The following AFG1L variants were observed in gnomAD, a reference collection of about 807,000 sequenced individuals.
AFG1L encodes AFG1 like ATPase, also known as AFG1-like ATPase.
A neutral mutation model predicts 62.2 loss-of-function variants in AFG1L; 53 were observed. The ratio of observed to expected loss-of-function variants is 0.85; its 90% CI spans 0.68 to 1.07. The LOEUF (loss-of-function observed/expected upper bound fraction) is 1.07. Ranked by LOEUF, AFG1L falls within the 50% of genes least tolerant of loss-of-function variation. The pLI, the probability that AFG1L is intolerant of heterozygous loss-of-function variation, is 0.00. For missense variants in AFG1L, 555 were observed against 590.5 expected (o/e 0.94, Z 0.62); for synonymous variants, 228 against 210.3 (o/e 1.08, Z -0.73).
intron 1 of AFG1L, among the ~76,000 whole-genome samples, chr6:108,315,118 A>G (rs1333378044): frequency 6.6e-6 from 1 of 152,046 alleles, no homozygotes; most frequent in Non-Finnish European, 1.5e-5. Context: ...GCCTCAAGTG[A>G]TCTGCTGGCC....
chr6:108,429,449 C>G (rs55986244), intron 7 of AFG1L, among the ~76,000 whole-genome samples: 7,197 of 152,220 alleles, frequency 0.047, 263 homozygotes, highest in South Asian at 0.18. Flanking sequence ...GGGAAAGACC[C>G]ATCCCCATGA....
chr6:108,444,262 A>C (rs1211619281), intron 7 of AFG1L, among the ~76,000 whole-genome samples: 2 of 152,174 alleles, frequency 1.3e-5, no homozygotes, highest in African/African-American at 4.8e-5. Context: ...GTGCAATGGT[A>C]TTATGTCTAA....
At chr6:108,411,709 GAAA>G (rs1409398711) in intron 7 of AFG1L, among the ~76,000 whole-genome samples, 4 of 152,180 alleles carry the variant, frequency 2.6e-5, no homozygotes, top group Non-Finnish European at 5.9e-5. Context: ...CTGTTAGAAG[GAAA>G]ACTAACAAAC....
chr6:108,427,206 G>A (rs955015594), intron 7 of AFG1L, among the ~76,000 whole-genome samples: 2 of 151,962 alleles, frequency 1.3e-5, no homozygotes, highest in Admixed American at 1.3e-4. Context: ...GGGCTCAAGT[G>A]ATCCTTCTGC....
At chr6:108,477,404 G>A (rs916965896) in intron 10 of AFG1L, 112 bp downstream of exon 10, 11 of 562,288 alleles carry the variant, frequency 2.0e-5, no homozygotes, top group African/African-American at 3.8e-5. Context: ...AGTCAGAATC[G>A]ATTTAAAAGT....
chr6:108,510,329 A>G lies in AFG1L; in HGVS notation c.1180A>G (p.Ile394Val), dbSNP rs1217600027. 2 of 1,605,190 alleles carry G rather than the reference A, an allele frequency of 1.2e-6. No individual in the cohort carries two copies. Among genetic ancestry groups the G allele is most frequent in the Admixed American group, 1.7e-5 (1 of 59,240 alleles). Residue 394 changes from isoleucine (I) to valine (V), a missense_variant, in exon 11 of 13, where the codon ATC becomes GTC. Physicochemically the swap from Ile to Val is conservative, Grantham distance 29 (BLOSUM62 3). Coordinates refer to ENST00000368977, the MANE Select transcript of AFG1L (RefSeq NM_145315.5). The part of the protein sequence containing the change: ...RTQGRRFITL[I>V]DNFYDLKVRI... ...TCAAGGTCGAAGATTCATAACTCTCATCGATAACTTTTATGATCTCAAGGT... is the reference window on the plus strand; with the variant it reads ...TCAAGGTCGAAGATTCATAACTCTCGTCGATAACTTTTATGATCTCAAGGT...
intron 10 of AFG1L, 64 bp from the exon 11 acceptor site, chr6:108,510,148 A>C: frequency 1.5e-6 from 2 of 1,302,928 alleles, no homozygotes; most frequent in Non-Finnish European, 2.1e-6. Context: ...TTTACACTAA[A>C]CCACTCCAAA....
chr6:108,299,345 G>A (rs1428781975), intron 1 of AFG1L, among the ~76,000 whole-genome samples: 1 of 151,794 alleles, frequency 6.6e-6, no homozygotes, highest in East Asian at 1.9e-4. Context: ...GGTAAATTTA[G>A]GTTTCCTATT....
chr6:108,351,859 C>T (rs1009317353), intron 3 of AFG1L, among the ~76,000 whole-genome samples: 2 of 151,956 alleles, frequency 1.3e-5, no homozygotes, highest in African/African-American at 4.8e-5. Flanking sequence ...GACATCCTTG[C>T]CTTTGTCAAA....
chr6:108,444,057 CATCT>C (rs60098143), intron 7 of AFG1L, among the ~76,000 whole-genome samples: 31,810 of 145,036 alleles, frequency 0.22, 3,612 homozygotes, highest in Admixed American at 0.27. Context: ...GAATATCTCC[CATCT>C]ATCTATCTAT....
chr6:108,345,368 T>TTGATTGAG (rs1294933757), intron 2 of AFG1L, among the ~76,000 whole-genome samples: 1 of 152,116 alleles, frequency 6.6e-6, no homozygotes, highest in African/African-American at 2.4e-5. Context: ...TATTGATTGA[T>TTGATTGAG]TGATTGAGTG....
intron 3 of AFG1L, among the ~76,000 whole-genome samples, chr6:108,351,213 T>C (rs1779068807): frequency 6.6e-6 from 1 of 152,218 alleles, no homozygotes; most frequent in Non-Finnish European, 1.5e-5. Flanking sequence ...TTATCAGTGC[T>C]GTGTACTTGG....
chr6:108,499,288 C>G (rs551021324), intron 10 of AFG1L, among the ~76,000 whole-genome samples: 7 of 151,642 alleles, frequency 4.6e-5, no homozygotes, highest in Non-Finnish European at 8.8e-5. Flanking sequence ...AGGCTGGTCT[C>G]AAACTCCTGA....
chr6:108,316,896 A>G (rs1441234983), intron 1 of AFG1L, among the ~76,000 whole-genome samples: 1 of 152,102 alleles, frequency 6.6e-6, no homozygotes, highest in Non-Finnish European at 1.5e-5. Context: ...AACATCCATC[A>G]CCTCAACTCC....
At chr6:108,354,647 C>T (rs1040668537) in intron 3 of AFG1L, among the ~76,000 whole-genome samples, 6 of 151,942 alleles carry the variant, frequency 3.9e-5, no homozygotes, top group South Asian at 2.1e-4. Context: ...AAGTGACCAA[C>T]GAGAGGGCAG....
At chr6:108,405,454 C>T (rs1404732241) in intron 7 of AFG1L, among the ~76,000 whole-genome samples, 1 of 152,078 alleles carries the variant, frequency 6.6e-6, no homozygotes, top group Non-Finnish European at 1.5e-5. Flanking sequence ...TCAGGTGATC[C>T]TCCTGCCCCA....
intron 11 of AFG1L, among the ~76,000 whole-genome samples, chr6:108,518,502 G>A (rs1039342537): frequency 1.5e-5 from 2 of 136,008 alleles, no homozygotes; most frequent in African/African-American, 5.4e-5. Context: ...GCTTGTTGTG[G>A]GGTGGGGGGA....
chr6:108,453,374 T>A (rs1772132457), intron 8 of AFG1L, among the ~76,000 whole-genome samples: 1 of 152,204 alleles, frequency 6.6e-6, no homozygotes, highest in African/African-American at 2.4e-5. Flanking sequence ...CTAGTGGAAG[T>A]TTTATGTCTC....
At chr6:108,329,731 A>G (rs1164835431) in intron 2 of AFG1L, among the ~76,000 whole-genome samples, 1 of 152,186 alleles carries the variant, frequency 6.6e-6, no homozygotes, top group Non-Finnish European at 1.5e-5. Flanking sequence ...AAACACTGAT[A>G]TGCCAATTAT....
Sources: allele counts gnomAD v4.1 joint callset (sites outside exome capture counted in the v4.1 genomes callset), GRCh38; gene constraint gnomAD v4.1.1; transcripts MANE v1.5; gene names NCBI Gene and HGNC (gene_info 2026-07-23, HGNC 2026-07-21).